DTNB: variants seen among roughly 807,000 people sequenced by gnomAD.
The protein encoded by DTNB is DTN-B.
Under a neutral mutation model 90.7 loss-of-function variants are expected in DTNB, and 63 were observed. That is an observed-to-expected ratio of 0.69 (90% CI 0.57 to 0.86). The LOEUF is 0.86. Ranked by LOEUF, DTNB falls within the 40% of genes least tolerant of loss-of-function variation. The pLI is 0.00. For missense variants in DTNB, 744 were observed against 807.1 expected, an observed-to-expected ratio of 0.92 and a Z score of 0.95; for synonymous variants, 277 against 286.7, an observed-to-expected ratio of 0.97 and a Z score of 0.34.
chr2:25,586,925 G>A (rs948611108), intron 6 of DTNB, among the ~76,000 whole-genome samples: 5 of 152,204 alleles, frequency 3.3e-5, no homozygotes, highest in African/African-American at 1.2e-4. Flanking sequence ...TCACCCATCA[G>A]ATTGGCAAAA....
At chr2:25,639,282 A>G (rs953079044) in intron 2 of DTNB, 188 bp from the exon 3 acceptor site, 1 of 487,134 alleles carries the variant, frequency 2.1e-6, no homozygotes, top group South Asian at 3.6e-5. Flanking sequence ...CAGTATGTGC[A>G]GGAACTCTGC....
chr2:25,665,499 G>A (rs1048305271), intron 1 of DTNB, among the ~76,000 whole-genome samples: 115 of 152,094 alleles, frequency 7.6e-4, no homozygotes, highest in African/African-American at 2.7e-3. Flanking sequence ...GGTGACATGC[G>A]CCTATAGTCC....
At chr2:25,570,323 G>T (rs1273755615) in intron 8 of DTNB, among the ~76,000 whole-genome samples, 3 of 145,918 alleles carry the variant, frequency 2.1e-5, no homozygotes, top group Non-Finnish European at 4.5e-5. Context: ...TGGGAGGACT[G>T]CTTGAGCCCA....
intron 8 of DTNB, among the ~76,000 whole-genome samples, chr2:25,538,864 T>G (rs894914832): frequency 2.6e-5 from 4 of 152,188 alleles, no homozygotes; most frequent in African/African-American, 9.7e-5. Context: ...ATCCTAACAC[T>G]ATACCCCACT....
chr2:25,466,567 C>T (rs2061822072), intron 10 of DTNB, among the ~76,000 whole-genome samples: 1 of 152,212 alleles, frequency 6.6e-6, no homozygotes, highest in Non-Finnish European at 1.5e-5. Context: ...GGCCGAGTCA[C>T]TCAGCCAGGC....
At chr2:25,520,641 T>A (rs1340327033) in intron 9 of DTNB, among the ~76,000 whole-genome samples, 1 of 152,356 alleles carries the variant, frequency 6.6e-6, no homozygotes, top group African/African-American at 2.4e-5. Context: ...AAAACAAGCA[T>A]ATTTGTGTTT....
chr2:25,556,806 A>G (rs2057436845), intron 8 of DTNB, among the ~76,000 whole-genome samples: 1 of 152,224 alleles, frequency 6.6e-6, no homozygotes, highest in South Asian at 2.1e-4. Context: ...AGAAGAGGAG[A>G]TAAAGGAAAC....
At chr2:25,509,517 T>C (rs2073420161) in intron 9 of DTNB, among the ~76,000 whole-genome samples, 1 of 152,170 alleles carries the variant, frequency 6.6e-6, no homozygotes, top group African/African-American at 2.4e-5. Flanking sequence ...TCTTGACAGG[T>C]ATTTTCTCAC....
chr2:25,429,288 ATGAGGC>A (rs2053028985), intron 14 of DTNB, among the ~76,000 whole-genome samples: 1 of 152,190 alleles, frequency 6.6e-6, no homozygotes. Flanking sequence ...TGGTTTTTCA[ATGAGGC>A]TGTTAGAAAT....
chr2:25,612,390 G>C (rs186983362), intron 4 of DTNB, among the ~76,000 whole-genome samples: 23 of 152,184 alleles, frequency 1.5e-4, no homozygotes, highest in African/African-American at 5.3e-4. Flanking sequence ...ACTGGTTGCC[G>C]CCAGGGTGGG....
Position 25,510,643 on chromosome 2 carries a change from G to T in DTNB, c.1001+20830C>A, listed in dbSNP as rs546062239. Among the ~76,000 whole-genome samples, 21 of 152,170 alleles carry T rather than the reference G, an allele frequency of 1.4e-4. No homozygotes were observed. In the East Asian group the frequency reaches 2.9e-3, roughly 21 times the overall value. ...CTGCCTCAGCCTCCCATGTAGCTGG[G>T]ATTACAGGCACCCGCCACCACACCC... On this transcript the variant is annotated intron_variant, in intron 9 of 20. Transcript: ENST00000406818.
In DTNB at chr2:25,442,846, T is replaced by C. The variant is rs1044861164; in HGVS notation, c.1257+8702A>G. Among the ~76,000 whole-genome samples, 17 of 152,196 alleles carry C rather than the reference T, an allele frequency of 1.1e-4. No homozygotes were observed. In the South Asian group the frequency reaches 1.7e-3, roughly 15 times the overall value. The stretch of plus-strand genomic sequence containing the variant: ...CGGTTTCCTTTTTTGTAAAGTCACA[T>C]TGGGAATCAACTATCCTTCAGAGTT... On this transcript the variant is annotated intron_variant, in intron 12 of 20. Coordinates refer to ENST00000406818, the MANE Select transcript of DTNB (RefSeq NM_021907.5).
At chr2:25,506,128 G>T (rs1319836089) in intron 9 of DTNB, among the ~76,000 whole-genome samples, 1 of 152,126 alleles carries the variant, frequency 6.6e-6, no homozygotes, top group Non-Finnish European at 1.5e-5. Flanking sequence ...TCACCCAGAG[G>T]CTGAGAAGGG....
intron 16 of DTNB, among the ~76,000 whole-genome samples, chr2:25,396,006 A>G (rs1175860010): frequency 6.6e-6 from 1 of 152,190 alleles, no homozygotes; most frequent in Non-Finnish European, 1.5e-5. Flanking sequence ...TTGCAAAAAT[A>G]TGGAACCAGC....
Position 25,553,764 on chromosome 2 carries a change from G to T in DTNB, c.877-22167C>A, listed in dbSNP as rs546668721. ...CTCAAAAAAAAAAAAAAAAAAAAAG[G>T]CTAGGTAGAATAAAATGTAATTTGT... On this transcript the variant is annotated intron_variant, in intron 8 of 20. Transcript: ENST00000406818. Among the ~76,000 whole-genome samples, 488 of 143,512 alleles carry T rather than the reference G, an allele frequency of 3.4e-3. 3 individuals are homozygous for T. Among genetic ancestry groups the T allele is most frequent in the African/African-American group, 0.012 (454 of 38,490 alleles). 94.1% of individuals were successfully genotyped at this position (143,512 alleles called of 152,430 possible). A position where few individuals can be genotyped will look rare whatever the true frequency, so the allele number is the denominator to read the frequency against.
chr2:25,523,058 G>A (rs2076433067), intron 9 of DTNB, among the ~76,000 whole-genome samples: 1 of 151,992 alleles, frequency 6.6e-6, no homozygotes, highest in Non-Finnish European at 1.5e-5. Context: ...TTATTATTTT[G>A]CTGGCTACAC....
At chr2:25,554,045 A>G (rs540110804) in intron 8 of DTNB, among the ~76,000 whole-genome samples, 4 of 152,316 alleles carry the variant, frequency 2.6e-5, no homozygotes, top group Admixed American at 6.5e-5. Flanking sequence ...GGTTCCATAC[A>G]CACCAACCCT....
intron 9 of DTNB, among the ~76,000 whole-genome samples, chr2:25,523,639 T>C (rs1575371677): frequency 9.2e-6 from 1 of 108,858 alleles, no homozygotes; most frequent in African/African-American, 4.4e-5. Flanking sequence ...AGACTCTGTC[T>C]CCAAAAAAAA....
In DTNB at chr2:25,666,506, G is replaced by A. The variant is rs2084479702; in HGVS notation, c.-2+6880C>T. On this transcript the variant is annotated intron_variant, in intron 1 of 20. Coordinates refer to ENST00000406818, the MANE Select transcript of DTNB (RefSeq NM_021907.5). ...ACTTATTCTTGTACTGGAAGGCCTAGGCAATGCCATAACAAAGAAAAAAGT... is the reference window on the plus strand; with the variant it reads ...ACTTATTCTTGTACTGGAAGGCCTAAGCAATGCCATAACAAAGAAAAAAGT... Among the ~76,000 whole-genome samples, 4 of 152,278 alleles carry A rather than the reference G, an allele frequency of 2.6e-5. No individual in the cohort carries two copies. The South Asian group carries it at 8.3e-4, about 32-fold the overall frequency.
Sources: allele counts gnomAD v4.1 joint callset (sites outside exome capture counted in the v4.1 genomes callset), GRCh38; gene constraint gnomAD v4.1.1; transcripts MANE v1.5; gene names NCBI Gene and HGNC (gene_info 2026-07-23, HGNC 2026-07-21).